CPNE8: variants seen among roughly 807,000 people sequenced by gnomAD.
CPNE8 encodes the protein copine 8, also known as copine-8.
A neutral mutation model predicts 81.5 loss-of-function variants in CPNE8; 45 were observed. That is an observed-to-expected ratio of 0.55 (90% CI 0.44 to 0.71). The LOEUF is 0.71. Among genes scored for constraint, CPNE8 ranks in the 30% least tolerant of loss-of-function variants. The pLI is 0.00. For missense variants in CPNE8, 594 were observed against 672.1 expected, an observed-to-expected ratio of 0.88 and a Z score of 1.28; for synonymous variants, 252 against 226.3, an observed-to-expected ratio of 1.11 and a Z score of -1.02.
intron 6 of CPNE8, among the ~76,000 whole-genome samples, chr12:38,779,881 A>G (rs1724345009): frequency 6.6e-6 from 1 of 152,132 alleles, no homozygotes; most frequent in Non-Finnish European, 1.5e-5. Flanking sequence ...TTAAAATGTA[A>G]AGAGGAAATG....
At chr12:38,794,514 C>G (rs1461242660) in intron 6 of CPNE8, among the ~76,000 whole-genome samples, 2 of 151,604 alleles carry the variant, frequency 1.3e-5, no homozygotes, top group African/African-American at 4.8e-5. Flanking sequence ...AGCATTTTTC[C>G]AAAAGTGATA....
Position 38,717,429 on chromosome 12 carries a change from GTA to G in CPNE8, c.914+6341_914+6342del, listed in dbSNP as rs57044387. ...AACAAGTAAACAAAGAAAGTGTGGT[GTA>G]TATATATATATATATATATATATAT... On this transcript the variant is annotated intron_variant, in intron 13 of 19. Transcript: ENST00000331366. 3.2e-3 allele frequency among the ~76,000 whole-genome samples: 279 copies of G among 86,988 alleles called. 7 individuals are homozygous for G. The highest frequency in any genetic ancestry group is 0.014 in the Middle Eastern group (2 of 142). The allele number at this position is 86,988 out of a possible 152,430, so 57.1% of individuals were successfully genotyped here. A position where few individuals can be genotyped will look rare whatever the true frequency, so the allele number is the denominator to read the frequency against.
intron 10 of CPNE8, among the ~76,000 whole-genome samples, chr12:38,742,546 G>A (rs1941132224): frequency 7.7e-6 from 1 of 130,322 alleles, no homozygotes; most frequent in South Asian, 2.9e-4. Flanking sequence ...GAGGGAGTGG[G>A]GAGGGATAGC....
chr12:38,904,761 G>A (rs1022746262), intron 1 of CPNE8, among the ~76,000 whole-genome samples: 2 of 152,074 alleles, frequency 1.3e-5, no homozygotes, highest in Non-Finnish European at 2.9e-5. Flanking sequence ...AAACTGTACT[G>A]AGCCACTGCG....
intron 1 of CPNE8, among the ~76,000 whole-genome samples, chr12:38,902,375 AGAAAGAAAAGAAAGAAAG>A: frequency 1.0e-5 from 1 of 99,286 alleles, no homozygotes; most frequent in Non-Finnish European, 1.9e-5. Context: ...AAAGAAAGAA[AGAAAGAAAAGAAAGAAAG>A]AGAAAGAAAG....
intron 16 of CPNE8, among the ~76,000 whole-genome samples, chr12:38,683,908 C>T (rs1939469145): frequency 6.6e-6 from 1 of 151,902 alleles, no homozygotes; most frequent in South Asian, 2.1e-4. Flanking sequence ...ACTGTGGAGC[C>T]TTTGATTTTA....
At chr12:38,754,633 C>T (rs1941422113) in intron 10 of CPNE8, among the ~76,000 whole-genome samples, 1 of 151,022 alleles carries the variant, frequency 6.6e-6, no homozygotes, top group African/African-American at 2.4e-5. Context: ...ATACTAGATA[C>T]ATATATAATT....
At chr12:38,786,584 TGTGA>T (rs1490371713) in intron 6 of CPNE8, among the ~76,000 whole-genome samples, 1 of 152,064 alleles carries the variant, frequency 6.6e-6, no homozygotes, top group Non-Finnish European at 1.5e-5. Context: ...TTTGTGATCG[TGTGA>T]GTTATTAATA....
intron 1 of CPNE8, among the ~76,000 whole-genome samples, chr12:38,899,267 A>G (rs1944427534): frequency 6.6e-6 from 1 of 152,146 alleles, no homozygotes; most frequent in South Asian, 2.1e-4. Context: ...GGTCATGATG[A>G]TGGTGCCTGC....
chr12:38,830,792 A>G (rs2137024484), intron 5 of CPNE8, among the ~76,000 whole-genome samples: 1 of 152,330 alleles, frequency 6.6e-6, no homozygotes, highest in African/African-American at 2.4e-5. Flanking sequence ...CCCATTTCTC[A>G]GATAAGGGAA....
chr12:38,864,152 A>T lies in CPNE8; in HGVS notation c.186+8852T>A, dbSNP rs76105057. Among the ~76,000 whole-genome samples the T allele has an allele frequency of 3.2e-3, 483 of 152,188 alleles. 3 individuals are homozygous for T. The East Asian group carries it at 0.034, about 11-fold the overall frequency. ...CTGTCAGTACAGTAAGGATAAATGT[A>T]TGTATAAATTGACAGACAGATTCTA... On this transcript the variant is annotated intron_variant, in intron 3 of 19. Transcript: ENST00000331366.
Position 38,676,168 on chromosome 12 carries a change from C to T in CPNE8, c.1375-394G>A, listed in dbSNP as rs1000387264. On this transcript the variant is annotated intron_variant, in intron 17 of 19. Transcript: ENST00000331366. ...AATAATAATTAAGAAGCAAATATAA[C>T]CAGAGTTTTATTTAATATTTTTTCA... 13 of 532,546 alleles carry T rather than the reference C, an allele frequency of 2.4e-5. No individual in the cohort carries two copies. The African/African-American group carries it at 2.5e-4, about 10-fold the overall frequency. 33.0% of individuals were successfully genotyped at this position (532,546 alleles called of 1,614,324 possible). A position where few individuals can be genotyped will look rare whatever the true frequency, so the allele number is the denominator to read the frequency against.
chr12:38,719,582 A>AG (rs1315910490), intron 13 of CPNE8, among the ~76,000 whole-genome samples: 1 of 102,652 alleles, frequency 9.7e-6, no homozygotes, highest in Non-Finnish European at 2.1e-5. Flanking sequence ...AGATTGTCTC[A>AG]GGAAAAAAAA....
At chr12:38,833,479 CTT>C (rs543470951) in intron 5 of CPNE8, among the ~76,000 whole-genome samples, 5 of 130,696 alleles carry the variant, frequency 3.8e-5, no homozygotes, top group Non-Finnish European at 4.7e-5. Flanking sequence ...TGAAATTAAC[CTT>C]TTTTTTTTTT....
At chr12:38,860,300 G>T (rs1943810105) in intron 3 of CPNE8, among the ~76,000 whole-genome samples, 1 of 144,286 alleles carries the variant, frequency 6.9e-6, no homozygotes, top group South Asian at 2.2e-4. Flanking sequence ...TATATGAAAA[G>T]ATGCTCAACA....
chr12:38,891,879 A>G (rs909929389), intron 1 of CPNE8, among the ~76,000 whole-genome samples: 1 of 152,286 alleles, frequency 6.6e-6, no homozygotes, highest in Non-Finnish European at 1.5e-5. Flanking sequence ...TGCAAAGCAC[A>G]AAGTCTGGTT....
At chr12:38,764,850 A>G (rs1391671588) in intron 8 of CPNE8, among the ~76,000 whole-genome samples, 1 of 152,066 alleles carries the variant, frequency 6.6e-6, no homozygotes, top group Admixed American at 6.5e-5. Context: ...TGATATCTAG[A>G]TAGATGACAG....
intron 4 of CPNE8, among the ~76,000 whole-genome samples, chr12:38,844,505 C>T (rs1397655973): frequency 6.6e-6 from 1 of 152,036 alleles, no homozygotes; most frequent in Non-Finnish European, 1.5e-5. Context: ...GAAACCATGT[C>T]TCCTGAATGA....
intron 6 of CPNE8, among the ~76,000 whole-genome samples, chr12:38,825,015 C>T (rs1447763808): frequency 1.3e-5 from 2 of 152,092 alleles, no homozygotes; most frequent in African/African-American, 2.4e-5. Context: ...CTGGTCAGGG[C>T]AGGTTCACAC....
Sources: allele counts gnomAD v4.1 joint callset (sites outside exome capture counted in the v4.1 genomes callset), GRCh38; gene constraint gnomAD v4.1.1; transcripts MANE v1.5; gene names NCBI Gene and HGNC (gene_info 2026-07-23, HGNC 2026-07-21).